Variants in NUP62 observed in about 807,000 individuals in gnomAD.
NUP62 encodes the protein nucleoporin 62, also known as nuclear pore glycoprotein p62.
For synonymous variants in NUP62, 305 were observed against 303.4 expected (o/e 1.01, Z -0.05); for missense variants, 647 against 689.4 (o/e 0.94, Z 0.69).
In NUP62 at chr19:49,909,610, A is replaced by G. The variant is rs1006688210; in HGVS notation, c.198T>C (p.Thr66=). The change falls in exon 3 of 3, where the codon ACT becomes ACC. Residue 66 remains threonine, a synonymous_variant. Transcript: ENST00000352066. ...TGAAGCCTGTCGTCTGTGTGGCCGG[A>G]GTCTGGGTGGCAAGTGAGAACAGGC... ...STGLFSLATQ[T]PATQTTGFTF... is the part of the protein sequence containing the mutation. 6 of 1,613,320 alleles carry G rather than the reference A, an allele frequency of 3.7e-6. No homozygotes were observed. The highest frequency in any genetic ancestry group is 5.1e-6 in the Non-Finnish European group (6 of 1,179,332).
At chr19:49,913,382 G>A (rs889412809) in intron 2 of NUP62, among the ~76,000 whole-genome samples, 3 of 152,182 alleles carry the variant, frequency 2.0e-5, no homozygotes, top group Non-Finnish European at 2.9e-5. Context: ...TTTACCTGGG[G>A]CCCCAGGCCA....
Position 49,908,201 on chromosome 19 carries a change from A to G in NUP62, c.*38T>C. The G allele has an allele frequency of 1.9e-6, 3 of 1,607,292 alleles. No homozygotes were observed. The highest frequency in any genetic ancestry group is 1.7e-6 in the Non-Finnish European group (2 of 1,178,978). The stretch of plus-strand genomic sequence containing the variant: ...ACAACAGGGCGCATTCCCCTCATGA[A>G]CTCCCTAGGGACCTGCGGGCCCCAG... On this transcript the variant is annotated 3_prime_UTR_variant, in exon 3 of 3. Coordinates refer to ENST00000352066, the MANE Select transcript of NUP62 (RefSeq NM_016553.5).
chr19:49,914,751 TTTTTTTG>T (rs2075580968), intron 2 of NUP62, among the ~76,000 whole-genome samples: 1 of 132,052 alleles, frequency 7.6e-6, no homozygotes, highest in Non-Finnish European at 1.6e-5. Context: ...TTTTTTTTTT[TTTTTTTG>T]AGATGGAGTC....
intron 2 of NUP62, chr19:49,911,179 G>A (rs1414849876): frequency 1.3e-5 from 2 of 152,230 alleles, no homozygotes; most frequent in Non-Finnish European, 1.5e-5. Context: ...CAGGACTACA[G>A]GCGTGAGCCC....
At position 49,909,085 on chromosome 19, in the gene NUP62, G is replaced by T. The variant is rs1193356009; in HGVS notation, c.723C>A (p.Thr241=). The T allele has an allele frequency of 1.9e-6, 3 of 1,612,494 alleles. No individual in the cohort carries two copies. Among genetic ancestry groups the T allele is most frequent in the Non-Finnish European group, 2.5e-6 (3 of 1,180,038 alleles). Residue 241 remains threonine (T), a synonymous_variant, in exon 3 of 3, where the codon ACC becomes ACA. Coordinates refer to ENST00000352066, the MANE Select transcript of NUP62 (RefSeq NM_016553.5). Reference sequence around the variant, plus strand: ...TGGGGGCGCCCGCTGTGGTCACAGGGGTACAGAGGGAGAGTCCAGTGGTGG... The same window carrying T: ...TGGGGGCGCCCGCTGTGGTCACAGGTGTACAGAGGGAGAGTCCAGTGGTGG... ...SSATTGLSLC[T]PVTTAGAPTA...
At chr19:49,918,895 T>TGGGGGGGGGGGGGGGGGGGGGG (rs56129490) in intron 2 of NUP62, among the ~76,000 whole-genome samples, 1 of 72,344 alleles carries the variant, frequency 1.4e-5, no homozygotes, top group Admixed American at 1.7e-4. Context: ...TTTGGGAGGC[T>TGGGGGGGGGGGGGGGGGGGGGG]GGGGGGGGGG....
At chr19:49,918,900 G>GT in intron 2 of NUP62, among the ~76,000 whole-genome samples, 1 of 148,584 alleles carries the variant, frequency 6.7e-6, no homozygotes, top group African/African-American at 2.5e-5. Context: ...GAGGCTGGGG[G>GT]GGGGGGGGCG....
intron 2 of NUP62, among the ~76,000 whole-genome samples, chr19:49,920,598 G>A (rs576984823): frequency 1.5e-4 from 23 of 152,316 alleles, no homozygotes; most frequent in Admixed American, 8.5e-4. Flanking sequence ...CTGTGGAGGC[G>A]GATAGGCGTC....
rs2075335975 is a variant in NUP62, at chr19:49,907,032, A to C, written c.*1207T>G. 6.5e-6 allele frequency: 1 copy of C among 153,814 alleles called. No individual in the cohort carries two copies. The highest frequency in any genetic ancestry group is 6.4e-5 in the Admixed American group (1 of 15,632). The allele number at this position is 153,814 out of a possible 1,614,324, so 9.5% of individuals were successfully genotyped here. On this transcript the variant is annotated 3_prime_UTR_variant, in exon 3 of 3. Transcript: ENST00000352066. Reference sequence around the variant, plus strand: ...AGCCAAGTCTACGGCCACCACTGGAAGCTGTGGCTATTTCTGTGGACTGAC... The same window carrying C: ...AGCCAAGTCTACGGCCACCACTGGACGCTGTGGCTATTTCTGTGGACTGAC...
intron 2 of NUP62, among the ~76,000 whole-genome samples, chr19:49,922,413 T>A (rs1005788362): frequency 1.3e-5 from 2 of 151,828 alleles, no homozygotes; most frequent in Non-Finnish European, 2.9e-5. Flanking sequence ...CCTCCTCTGC[T>A]CCCCAGAAAC....
intron 2 of NUP62, among the ~76,000 whole-genome samples, chr19:49,914,227 G>C (rs1348681817): frequency 2.0e-5 from 3 of 152,224 alleles, no homozygotes; most frequent in Non-Finnish European, 4.4e-5. Context: ...TACGAGCTCT[G>C]ATCCCGGAAT....
rs1423959579 is a variant in NUP62, at chr19:49,908,891, G to T, written c.917C>A (p.Thr306Lys). Residue 306 changes from threonine to lysine, a missense_variant, in exon 3 of 3, where the codon ACA (threonine) becomes AAA (lysine). By Grantham distance (78) the Thr-to-Lys change is moderately conservative (BLOSUM62 -1). Coordinates refer to ENST00000352066, the MANE Select transcript of NUP62 (RefSeq NM_016553.5). ...AGGTGGAGCGGTCACGGCAGCTGCT[G>T]TATTGCTGGGGATCCCGGCTGGCGC... is the stretch of plus-strand genomic sequence containing the variant. ...PLAPAGIPSN[T>K]AAAVTAPPGP... is the part of the protein sequence containing the mutation. The T allele has an allele frequency of 1.4e-5, 22 of 1,609,262 alleles. No homozygotes were observed. The highest frequency in any genetic ancestry group is 1.8e-5 in the Non-Finnish European group (21 of 1,178,762).
rs1315477403 is a variant in NUP62, at chr19:49,909,720, T to G, written c.88A>C (p.Thr30Pro). ...TAKTATTTPATGFSFSTSGTG... is the reference protein window; with the variant it reads ...TAKTATTTPAPGFSFSTSGTG... Reference sequence around the variant, plus strand: ...CCAGAGGTGGAGAAAGAAAACCCTGTAGCAGGTGTGGTTGTTGCCGTCTTT... The same window carrying G: ...CCAGAGGTGGAGAAAGAAAACCCTGGAGCAGGTGTGGTTGTTGCCGTCTTT... Residue 30 changes from threonine (T) to proline (P), a missense_variant, in exon 3 of 3, where the codon ACA becomes CCA. Thr to Pro is a conservative substitution (Grantham distance 38). Coordinates refer to ENST00000352066, the MANE Select transcript of NUP62 (RefSeq NM_016553.5). The G allele has an allele frequency of 6.2e-7, 1 of 1,614,110 alleles. No individual in the cohort carries two copies. Among genetic ancestry groups the G allele is most frequent in the Non-Finnish European group, 8.5e-7 (1 of 1,180,024 alleles).
At position 49,909,370 on chromosome 19, in the gene NUP62, G is replaced by A; in HGVS notation, c.438C>T (p.Thr146=). The A allele has an allele frequency of 1.2e-6, 2 of 1,613,590 alleles. No homozygotes were observed. The highest frequency in any genetic ancestry group is 1.7e-6 in the Non-Finnish European group (2 of 1,179,986). The change falls in exon 3 of 3, where the codon ACC becomes ACT. Residue 146 remains threonine, a synonymous_variant. Coordinates refer to ENST00000352066, the MANE Select transcript of NUP62 (RefSeq NM_016553.5). The part of the protein sequence containing the change: ...APTGFVFGPS[T]TSVAPATTSG... The stretch of plus-strand genomic sequence containing the variant: ...ATGTGGTAGCTGGAGCCACAGAGGT[G>A]GTGGAGGGGCCAAACACAAAGCCGG...
At position 49,908,083 on chromosome 19, in the gene NUP62, A is replaced by G; in HGVS notation, c.*156T>C. The G allele has an allele frequency of 6.9e-7, 1 of 1,453,056 alleles. No homozygotes were observed. The highest frequency in any genetic ancestry group is 1.4e-5 in the African/African-American group (1 of 70,626). 90.0% of individuals were successfully genotyped at this position (1,453,056 alleles called of 1,614,324 possible). A position where few individuals can be genotyped will look rare whatever the true frequency, so the allele number is the denominator to read the frequency against. ...AGGCCCAGAATACCCTCCTAAATGGAAAAACGCAAAGCACACAGCGATCAT... is the reference window on the plus strand; with the variant it reads ...AGGCCCAGAATACCCTCCTAAATGGGAAAACGCAAAGCACACAGCGATCAT... On this transcript the variant is annotated 3_prime_UTR_variant, in exon 3 of 3. Coordinates refer to ENST00000352066, the MANE Select transcript of NUP62 (RefSeq NM_016553.5).
In NUP62 at chr19:49,908,552, C is replaced by T. The variant is rs778559091; in HGVS notation, c.1256G>A (p.Gly419Glu). The T allele has an allele frequency of 2.5e-6, 4 of 1,614,078 alleles. No individual in the cohort carries two copies. In the East Asian group the frequency reaches 6.7e-5, roughly 27 times the overall value. Reference sequence around the variant, plus strand: ...ATCCGCGTGCTGCAGGTAGATGGTCCCGCTCTGCTCCTTGACCAACTCCTC... The same window carrying T: ...ATCCGCGTGCTGCAGGTAGATGGTCTCGCTCTGCTCCTTGACCAACTCCTC... Reference protein sequence around the residue: ...PLEELVKEQSGTIYLQHADEE... With the variant: ...PLEELVKEQSETIYLQHADEE... Residue 419 changes from glycine to glutamate, a missense_variant, in exon 3 of 3, where the codon GGG becomes GAG. Physicochemically the swap from Gly to Glu is moderately conservative, Grantham distance 98. Transcript: ENST00000352066.
chr19:49,908,584 G>A lies in NUP62; in HGVS notation c.1224C>T (p.Ser408=), dbSNP rs1189639039. ...SQQKELEDLL[S]PLEELVKEQS... ...GCTCCTTGACCAACTCCTCCAGTGG[G>A]CTCAGCAGGTCTTCCAGCTCCTTCT... Residue 408 remains serine, a synonymous_variant, in exon 3 of 3, where the codon AGC becomes AGT. Transcript: ENST00000352066. 1.2e-6 allele frequency: 2 copies of A among 1,614,098 alleles called. No homozygotes were observed. Among genetic ancestry groups the A allele is most frequent in the South Asian group, 1.1e-5 (1 of 91,090 alleles).
Position 49,909,853 on chromosome 19 carries a change from A to T in NUP62, c.-46T>A, listed in dbSNP as rs753153325. ...GCAGCTACTCTGGCTCCCAAAGCAA[A>T]TCCGTCGGTGTCTGCAGCCTTGGGA... On this transcript the variant is annotated 5_prime_UTR_variant, in exon 3 of 3. Transcript: ENST00000352066. 5.0e-6 allele frequency: 8 copies of T among 1,591,252 alleles called. No individual in the cohort carries two copies. In the South Asian group the frequency reaches 8.8e-5, roughly 18 times the overall value.
rs2075353822 is a variant in NUP62 at position 49,907,626 on chromosome 19, G to A, written c.*613C>T. ...ATCTTGGTTCACTGCAACACCTCCTGGGTTCAAGTGATTCTCCTGCCTCAG... is the reference window on the plus strand; with the variant it reads ...ATCTTGGTTCACTGCAACACCTCCTAGGTTCAAGTGATTCTCCTGCCTCAG... On this transcript the variant is annotated 3_prime_UTR_variant, in exon 3 of 3. Coordinates refer to ENST00000352066, the MANE Select transcript of NUP62 (RefSeq NM_016553.5). 7.7e-6 allele frequency: 3 copies of A among 391,714 alleles called. No homozygotes were observed. The highest frequency in any genetic ancestry group is 5.7e-5 in the South Asian group (3 of 52,696). The allele number at this position is 391,714 out of a possible 1,614,324, so 24.3% of individuals were successfully genotyped here.
Sources: allele counts gnomAD v4.1 joint callset (sites outside exome capture counted in the v4.1 genomes callset), GRCh38; gene constraint gnomAD v4.1.1; transcripts MANE v1.5; gene names NCBI Gene and HGNC (gene_info 2026-07-23, HGNC 2026-07-21).